The following TSPAN33 variants were observed in gnomAD, a reference collection of about 807,000 sequenced individuals.
TSPAN33 encodes the protein tetraspanin-33.
In TSPAN33, 27 loss-of-function variants were observed where a neutral mutation model predicts 34.8. The ratio of observed to expected loss-of-function variants is 0.78; its 90% confidence interval spans 0.57 to 1.07. The LOEUF (loss-of-function observed/expected upper bound fraction) is 1.07. Ranked by LOEUF, TSPAN33 falls within the 50% of genes least tolerant of loss-of-function variation. The pLI is 0.00. For missense variants in TSPAN33, 272 were observed against 324.9 expected (o/e 0.84, Z 1.25); for synonymous variants, 119 against 124.2 (o/e 0.96, Z 0.28).
In TSPAN33 at chr7:129,167,819, A is replaced by C; in HGVS notation, c.797A>C (p.Asp266Ala). The C allele has an allele frequency of 3.1e-6, 5 of 1,614,182 alleles. No individual in the cohort carries two copies. In the Middle Eastern group the frequency reaches 6.6e-4, roughly 213 times the overall value. Residue 266 changes from aspartate (D) to alanine (A), a missense_variant, in exon 8 of 8, where the codon GAT (aspartate) becomes GCT (alanine). By Grantham distance (126) the Asp-to-Ala change is moderately radical. Coordinates refer to ENST00000486685, the MANE Select transcript of TSPAN33 (RefSeq NM_178562.5). The surrounding 1 kb of genome is among the most constrained non-coding windows in gnomAD (Gnocchi z 4.6). ...CAGATCCTAGTGAATCAGATCAAAG[A>C]TCAGATCAAGCTACAGCTCTACAAC... ...LSQILVNQIK[D>A]QIKLQLYNQQ...
rs547173721 is a variant in TSPAN33 at position 129,162,244 on chromosome 7, A to T, written c.161-150A>T. On this transcript the variant is annotated intron_variant, in intron 2 of 7. Transcript: ENST00000486685. ...GGCCCTTTTTGGTTCTCCCCATGGG[A>T]CAGGGGTACTGCCTCCCCTTAACCT... 2.8e-5 allele frequency: 33 copies of T among 1,171,238 alleles called. 1 individual carries two copies. The South Asian group carries it at 4.0e-4, about 14-fold the overall frequency. 72.6% of individuals were successfully genotyped at this position (1,171,238 alleles called of 1,614,324 possible).
In TSPAN33 at chr7:129,167,599, T is replaced by G. The variant is rs529468368; in HGVS notation, c.750+39T>G. ...TGAGACTTGTTGGTCCCACACACTC[T>G]GTAAAGACTCCTTTGTTTTGGGGAA... On this transcript the variant is annotated intron_variant, in intron 7 of 7. Coordinates refer to ENST00000486685, the MANE Select transcript of TSPAN33 (RefSeq NM_178562.5). The surrounding 1 kb of genome is among the most constrained non-coding windows in gnomAD (Gnocchi z 4.6). 630 of 1,603,714 alleles carry G rather than the reference T, an allele frequency of 3.9e-4. 5 individuals carry two copies. In the South Asian group the frequency reaches 6.5e-3, roughly 17 times the overall value.
rs3830629 is a variant in TSPAN33, at chr7:129,168,831, G to GACTCCATGGTGTTGACATGGGA, written c.*957_*958insACTCCATGGTGTTGACATGGGA. The GACTCCATGGTGTTGACATGGGA allele has an allele frequency of 0.19, 29,051 of 152,350 alleles. 2,954 individuals carry two copies. The highest frequency in any genetic ancestry group is 0.25 in the Admixed American group (3,813 of 15,268). The allele number at this position is 152,350 out of a possible 1,614,324, so 9.4% of individuals were successfully genotyped here. ...TGGCAATAAAAGCGTGTTGACCTGG[G>GACTCCATGGTGTTGACATGGGA]CTACGCGGGACTCCATGAATTTTCC... On this transcript the variant is annotated 3_prime_UTR_variant, in exon 8 of 8. Coordinates refer to ENST00000486685, the MANE Select transcript of TSPAN33 (RefSeq NM_178562.5).
chr7:129,151,952 C>T (rs966890043), intron 1 of TSPAN33, among the ~76,000 whole-genome samples: 3 of 152,184 alleles, frequency 2.0e-5, no homozygotes, highest in Non-Finnish European at 4.4e-5. Context: ...ACAGCAGTAT[C>T]TGTGTAATAT....
rs1437016009 is a variant in TSPAN33 at position 129,169,551 on chromosome 7, C to T, written c.*1677C>T. The T allele has an allele frequency of 2.6e-5, 4 of 152,346 alleles. No individual in the cohort carries two copies. The highest frequency in any genetic ancestry group is 9.6e-5 in the African/African-American group (4 of 41,570). The allele number at this position is 152,346 out of a possible 1,614,324, so 9.4% of individuals were successfully genotyped here. A position where few individuals can be genotyped will look rare whatever the true frequency, so the allele number is the denominator to read the frequency against. Reference sequence around the variant, plus strand: ...CTGCGGGGACAAAGAGCCGCGAGTTCGCTCCCTGCCCCCAGTGTCTCCTAA... The same window carrying T: ...CTGCGGGGACAAAGAGCCGCGAGTTTGCTCCCTGCCCCCAGTGTCTCCTAA... On this transcript the variant is annotated 3_prime_UTR_variant, in exon 8 of 8. Coordinates refer to ENST00000486685, the MANE Select transcript of TSPAN33 (RefSeq NM_178562.5).
chr7:129,162,806 A>G, intron 3 of TSPAN33, 27 bp from the exon 4 acceptor site: 1 of 1,612,346 alleles, frequency 6.2e-7, no homozygotes, highest in Non-Finnish European at 8.5e-7. Flanking sequence ...GTGGTCCTAG[A>G]CGCCTCTTCT....
chr7:129,163,247 T>C (rs1179853422), intron 4 of TSPAN33, among the ~76,000 whole-genome samples: 1 of 152,086 alleles, frequency 6.6e-6, no homozygotes, highest in South Asian at 2.1e-4. Context: ...CTCTTATTTC[T>C]TTTAAAAATT....
At chr7:129,153,428 A>G (rs74778194) in intron 1 of TSPAN33, among the ~76,000 whole-genome samples, 8,823 of 152,336 alleles carry the variant, frequency 0.058, 414 homozygotes, top group East Asian at 0.087. Flanking sequence ...TAAATTTTAA[A>G]GTCAGTGTCT....
chr7:129,166,993 C>A, intron 6 of TSPAN33, 87 bp downstream of exon 6: 1 of 1,475,812 alleles, frequency 6.8e-7, no homozygotes, highest in Non-Finnish European at 9.2e-7. Flanking sequence ...GATCCCCATC[C>A]CCTAGCTTCA....
rs796562405 is a variant in TSPAN33 at position 129,159,067 on chromosome 7, TC to T, written c.103-2611del. On this transcript the variant is annotated intron_variant, in intron 1 of 7. Transcript: ENST00000486685. ...CCCGGCCCCACATTTTCTTTTTCTT[TC>T]TTTTTTTTTAGAGATGAAGTCTCAC... is the stretch of plus-strand genomic sequence containing the variant. Among the ~76,000 whole-genome samples the T allele has an allele frequency of 6.7e-4, 101 of 150,472 alleles. 2 individuals are homozygous for T. The East Asian group carries it at 0.019, about 28-fold the overall frequency.
intron 1 of TSPAN33, among the ~76,000 whole-genome samples, chr7:129,150,790 G>A (rs1013189544): frequency 6.6e-6 from 1 of 152,144 alleles, no homozygotes; most frequent in African/African-American, 2.4e-5. Flanking sequence ...GGCGTGGAGA[G>A]TGAGGCTGAG....
At chr7:129,164,687 A>G (rs1793110118) in intron 5 of TSPAN33, 118 bp downstream of exon 5, 1 of 979,090 alleles carries the variant, frequency 1.0e-6, no homozygotes, top group African/African-American at 1.6e-5. Context: ...GGCTTCTGGG[A>G]AGGGGTTTGG....
rs1324235064 is a variant in TSPAN33 at position 129,144,880 on chromosome 7, T to TGCGCG, written c.-93_-89dup. On this transcript the variant is annotated 5_prime_UTR_variant, in exon 1 of 8. Transcript: ENST00000486685. ...CAGGCTCCCCCGCCGGCCGGGCTCC[T>TGCGCG]GCGCGGCGCGGCTCGGCTCATGCCC... 279 of 174,106 alleles carry TGCGCG rather than the reference T, an allele frequency of 1.6e-3. 1 individual carries two copies. Among genetic ancestry groups the TGCGCG allele is most frequent in the African/African-American group, 6.2e-3 (259 of 41,622 alleles). 10.8% of individuals were successfully genotyped at this position (174,106 alleles called of 1,614,324 possible). A position where few individuals can be genotyped will look rare whatever the true frequency, so the allele number is the denominator to read the frequency against.
intron 1 of TSPAN33, among the ~76,000 whole-genome samples, chr7:129,152,689 A>AAAACAAAC (rs35282489): frequency 2.4e-4 from 36 of 151,608 alleles, no homozygotes; most frequent in East Asian, 5.9e-4. Flanking sequence ...TCCATCTCAA[A>AAAACAAAC]AAACAAACAA....
intron 1 of TSPAN33, among the ~76,000 whole-genome samples, chr7:129,158,774 T>C (rs759823522): frequency 2.0e-5 from 3 of 152,338 alleles, no homozygotes; most frequent in East Asian, 1.9e-4. Flanking sequence ...TCTTTTGATA[T>C]AGAGTCTTGC....
intron 1 of TSPAN33, among the ~76,000 whole-genome samples, chr7:129,155,584 C>T (rs984776420): frequency 1.3e-5 from 2 of 151,998 alleles, no homozygotes; most frequent in Non-Finnish European, 2.9e-5. Flanking sequence ...TCTGTTTTCC[C>T]TGTTATTAAC....
rs980311736 is a variant in TSPAN33, at chr7:129,148,629, T to C, written c.102+3547T>C. Among the ~76,000 whole-genome samples the C allele has an allele frequency of 3.9e-5, 6 of 152,194 alleles. No homozygotes were observed. The East Asian group carries it at 1.2e-3, about 29-fold the overall frequency. ...AGGTACCCAACTGTGTTCTCCTCTG[T>C]GGTGGGTCTGGCGGCCTGGCAACCC... On this transcript the variant is annotated intron_variant, in intron 1 of 7. Transcript: ENST00000486685. This position sits in a 1 kb window ranked among gnomAD's most constrained non-coding sequence, Gnocchi z 4.2.
At chr7:129,158,303 G>A (rs1792986385) in intron 1 of TSPAN33, among the ~76,000 whole-genome samples, 1 of 152,160 alleles carries the variant, frequency 6.6e-6, no homozygotes, top group Non-Finnish European at 1.5e-5. Context: ...ATCTTTGAGG[G>A]GACATTATTC....
Position 129,167,548 on chromosome 7 carries a change from G to A in TSPAN33, c.738G>A (p.Leu246=), listed in dbSNP as rs200670435. 1.1e-5 allele frequency: 18 copies of A among 1,613,850 alleles called. No homozygotes were observed. In the East Asian group the frequency reaches 3.3e-4, roughly 30 times the overall value. Residue 246 remains leucine (L), a synonymous_variant, in exon 7 of 8, where the codon CTG becomes CTA. Coordinates refer to ENST00000486685, the MANE Select transcript of TSPAN33 (RefSeq NM_178562.5). The surrounding 1 kb of genome is among the most constrained non-coding windows in gnomAD (Gnocchi z 4.6). ...TACTTGGTGGTGTGGCTCTAGGCCTGGCCATCCCCCAGGTAACTTACCCTG... is the reference window on the plus strand; with the variant it reads ...TACTTGGTGGTGTGGCTCTAGGCCTAGCCATCCCCCAGGTAACTTACCCTG... The part of the protein sequence containing the change: ...LFLLGGVALG[L]AIPQLVGILL...
Sources: allele counts gnomAD v4.1 joint callset (sites outside exome capture counted in the v4.1 genomes callset), GRCh38; gene constraint gnomAD v4.1.1; non-coding constraint Gnocchi (gnomAD v3.1); transcripts MANE v1.5; gene names NCBI Gene and HGNC (gene_info 2026-07-23, HGNC 2026-07-21).